Variants in NAALADL2 observed in about 807,000 individuals in gnomAD.
NAALADL2 encodes N-acetylated alpha-linked acidic dipeptidase like 2, also known as inactive N-acetylated-alpha-linked acidic dipeptidase-like protein 2.
A neutral mutation model predicts 87.2 loss-of-function variants in NAALADL2; 76 were observed. The ratio of observed to expected loss-of-function variants is 0.87; its 90% CI spans 0.72 to 1.05. The LOEUF (loss-of-function observed/expected upper bound fraction) is 1.05, where lower values mean the gene tolerates loss of function less well. NAALADL2 is among the 50% of genes least tolerant of loss of function. NAALADL2 has a pLI of 0.00. For synonymous variants in NAALADL2, 354 were observed against 331.0 expected (o/e 1.07, Z -0.75); for missense variants, 1,089 against 945.8 (o/e 1.15, Z -1.99).
intron 2 of NAALADL2, among the ~76,000 whole-genome samples, chr3:174,580,178 G>A (rs190854777): frequency 6.6e-6 from 1 of 151,906 alleles, no homozygotes; most frequent in Admixed American, 6.6e-5. Flanking sequence ...AACAGAAAAG[G>A]GTCATTTGAC....
chr3:174,611,979 G>A (rs1020679178), intron 2 of NAALADL2, among the ~76,000 whole-genome samples: 2 of 150,452 alleles, frequency 1.3e-5, no homozygotes, highest in African/African-American at 2.4e-5. Context: ...GACAGATCTT[G>A]TGTTGACAAA....
At chr3:174,482,723 A>G (rs1717635524) in intron 1 of NAALADL2, among the ~76,000 whole-genome samples, 1 of 152,012 alleles carries the variant, frequency 6.6e-6, no homozygotes, top group Non-Finnish European at 1.5e-5. Context: ...TAGATACCAC[A>G]GCTCCATCTG....
At chr3:175,347,508 T>G (rs1184223654) in intron 5 of NAALADL2, among the ~76,000 whole-genome samples, 1 of 152,002 alleles carries the variant, frequency 6.6e-6, no homozygotes, top group African/African-American at 2.4e-5. Context: ...ATCACACAGC[T>G]AAGCTAAGGT....
At chr3:175,705,608 T>C (rs111353756) in intron 11 of NAALADL2, among the ~76,000 whole-genome samples, 8,437 of 152,174 alleles carry the variant, frequency 0.055, 321 homozygotes, top group Non-Finnish European at 0.084. Context: ...CAGATTATTT[T>C]ATATGTTATA....
chr3:175,713,621 C>G (rs759075277), intron 11 of NAALADL2, among the ~76,000 whole-genome samples: 1 of 152,068 alleles, frequency 6.6e-6, no homozygotes, highest in Non-Finnish European at 1.5e-5. Flanking sequence ...AAAGGCAGTT[C>G]CTACACAACT....
intron 2 of NAALADL2, among the ~76,000 whole-genome samples, chr3:175,173,309 A>AAAAT (rs55984097): frequency 0.025 from 3,563 of 139,860 alleles, 67 homozygotes; most frequent in Middle Eastern, 0.047. Flanking sequence ...ATAAATAAAT[A>AAAAT]AAATAAATAA....
intron 9 of NAALADL2, among the ~76,000 whole-genome samples, chr3:175,516,913 G>C (rs1306628538): frequency 6.6e-6 from 1 of 152,156 alleles, no homozygotes; most frequent in South Asian, 2.1e-4. Flanking sequence ...TGCCATACCA[G>C]CCTTGCCCAC....
chr3:175,417,851 G>A (rs927561576), intron 5 of NAALADL2, among the ~76,000 whole-genome samples: 10 of 152,074 alleles, frequency 6.6e-5, no homozygotes, highest in Admixed American at 1.3e-4. Context: ...AAAATACATT[G>A]AGTATTGAAA....
intron 1 of NAALADL2, among the ~76,000 whole-genome samples, chr3:175,081,499 G>A (rs1303144108): frequency 6.6e-6 from 1 of 151,894 alleles, no homozygotes; most frequent in African/African-American, 2.4e-5. Flanking sequence ...TCTTTATCCT[G>A]GAAGAATCTG....
Position 174,527,063 on chromosome 3 carries a change from T to C in NAALADL2, c.-183-23506T>C, listed in dbSNP as rs114321507. 2.2e-3 allele frequency among the ~76,000 whole-genome samples: 337 copies of C among 152,124 alleles called. 2 individuals carry two copies. The highest frequency in any genetic ancestry group is 7.9e-3 in the African/African-American group (329 of 41,486). On this transcript the variant is annotated intron_variant, in intron 1 of 3. Transcript: ENST00000434257. ...TTATCTGTTCACAATTTTGAATGTG[T>C]TGTGATATATCTACACAGTAGAGGG...
chr3:175,539,429 C>A (rs1193916525), intron 9 of NAALADL2, among the ~76,000 whole-genome samples: 2 of 152,104 alleles, frequency 1.3e-5, no homozygotes, highest in Non-Finnish European at 2.9e-5. Context: ...GCTAAGAAAA[C>A]TGGTATTGTA....
At chr3:174,545,353 T>G (rs958543175) in intron 1 of NAALADL2, among the ~76,000 whole-genome samples, 1 of 152,196 alleles carries the variant, frequency 6.6e-6, no homozygotes, top group Non-Finnish European at 1.5e-5. Flanking sequence ...TCTTTTACAC[T>G]TTTATGTATT....
At chr3:174,463,881 A>G (rs1716364733) in intron 1 of NAALADL2, among the ~76,000 whole-genome samples, 1 of 152,050 alleles carries the variant, frequency 6.6e-6, no homozygotes, top group African/African-American at 2.4e-5. Context: ...TACAGGTGTG[A>G]GCCACCGGGC....
intron 13 of NAALADL2, among the ~76,000 whole-genome samples, chr3:175,779,299 A>G (rs1345740568): frequency 6.6e-6 from 1 of 152,214 alleles, no homozygotes; most frequent in Non-Finnish European, 1.5e-5. Flanking sequence ...AGGCCAAAGC[A>G]GCCTATCTGG....
In NAALADL2 at chr3:175,678,722, C is replaced by T. The variant is rs192784382; in HGVS notation, c.1896+51336C>T. Among the ~76,000 whole-genome samples, 18 of 151,696 alleles carry T rather than the reference C, an allele frequency of 1.2e-4. No homozygotes were observed. In the East Asian group the frequency reaches 1.7e-3, roughly 15 times the overall value. Reference sequence around the variant, plus strand: ...GGGAACATCACACACCAGGGCCTGTCGTGGGGTGGGGGGAGAGGTGAGGGA... The same window carrying T: ...GGGAACATCACACACCAGGGCCTGTTGTGGGGTGGGGGGAGAGGTGAGGGA... On this transcript the variant is annotated intron_variant, in intron 11 of 13. Transcript: ENST00000454872.
chr3:175,145,793 CTATT>C (rs1730662407), intron 2 of NAALADL2, among the ~76,000 whole-genome samples: 1 of 151,976 alleles, frequency 6.6e-6, no homozygotes, highest in African/African-American at 2.4e-5. Context: ...AATAATTGAA[CTATT>C]TAAAGTTTTT....
At chr3:175,521,899 T>C (rs1352255154) in intron 9 of NAALADL2, among the ~76,000 whole-genome samples, 1 of 152,122 alleles carries the variant, frequency 6.6e-6, no homozygotes, top group East Asian at 1.9e-4. Flanking sequence ...AGGAAATAAA[T>C]ACGGAAGAAA....
At chr3:175,746,972 G>A (rs1327118899) in intron 12 of NAALADL2, among the ~76,000 whole-genome samples, 1 of 152,116 alleles carries the variant, frequency 6.6e-6, no homozygotes, top group Admixed American at 6.5e-5. Flanking sequence ...ACACACTTTA[G>A]ATCATCTCTA....
At chr3:175,242,507 A>G (rs896614899) in intron 3 of NAALADL2, 2 of 152,226 alleles carry the variant, frequency 1.3e-5, no homozygotes, top group African/African-American at 4.8e-5. Flanking sequence ...TATTAGTTTC[A>G]CAGTCTCCAG....
Sources: gnomAD v4.1 joint callset for allele counts (sites outside exome capture counted in the v4.1 genomes callset) on GRCh38, gnomAD v4.1.1 for gene constraint, MANE v1.5 for transcripts, NCBI Gene and HGNC (gene_info 2026-07-23, HGNC 2026-07-21) for gene names.